GPD1L: variants seen among roughly 807,000 people sequenced by gnomAD.
GPD1L encodes the protein glycerol-3-phosphate dehydrogenase 1 like.
In GPD1L, 17 loss-of-function variants were observed where a neutral mutation model predicts 32.9. That is an observed-to-expected ratio of 0.52 (90% CI 0.35 to 0.78). The LOEUF is 0.78. Among genes scored for constraint, GPD1L ranks in the 30% least tolerant of loss-of-function variants. GPD1L has a pLI of 0.01. For synonymous variants in GPD1L, 187 were observed against 165.9 expected (o/e 1.13, Z -0.98); for missense variants, 361 against 447.8 (o/e 0.81, Z 1.75).
In GPD1L at chr3:32,143,333, C is replaced by G. The variant is rs77057426; in HGVS notation, c.505+2967C>G. 5.9e-3 allele frequency among the ~76,000 whole-genome samples: 895 copies of G among 152,248 alleles called. 11 individuals carry two copies. The highest frequency in any genetic ancestry group is 0.02 in the African/African-American group (822 of 41,532). On this transcript the variant is annotated intron_variant, in intron 4 of 7. Transcript: ENST00000282541. Reference sequence around the variant, plus strand: ...TTCGAATTCCTGGCCTCATGGGATCCTCCTGCCTCAGCCTGCTGATGTACC... The same window carrying G: ...TTCGAATTCCTGGCCTCATGGGATCGTCCTGCCTCAGCCTGCTGATGTACC...
chr3:32,152,516 G>C (rs1473142790), intron 5 of GPD1L, among the ~76,000 whole-genome samples: 2 of 152,148 alleles, frequency 1.3e-5, no homozygotes, highest in African/African-American at 4.8e-5. Flanking sequence ...GAATGCTGCC[G>C]GAGGGGAGGA....
intron 4 of GPD1L, among the ~76,000 whole-genome samples, chr3:32,145,235 C>T (rs1700803094): frequency 6.6e-6 from 1 of 152,006 alleles, no homozygotes; most frequent in African/African-American, 2.4e-5. Flanking sequence ...GGGAGAATCG[C>T]TTGAGCTTGG....
chr3:32,155,495 T>C (rs1700975507), intron 5 of GPD1L, among the ~76,000 whole-genome samples: 1 of 152,012 alleles, frequency 6.6e-6, no homozygotes, highest in Non-Finnish European at 1.5e-5. Context: ...TATAACAGTT[T>C]CAGAATGGTT....
At chr3:32,142,110 A>G (rs988337752) in intron 4 of GPD1L, among the ~76,000 whole-genome samples, 1 of 141,004 alleles carries the variant, frequency 7.1e-6, no homozygotes, top group African/African-American at 2.9e-5. Flanking sequence ...CCATGCTGCA[A>G]AGGACATGAT....
intron 4 of GPD1L, among the ~76,000 whole-genome samples, chr3:32,141,241 A>G (rs113117680): frequency 6.6e-6 from 1 of 152,314 alleles, no homozygotes; most frequent in Non-Finnish European, 1.5e-5. Flanking sequence ...ACCTGCCTAT[A>G]CGTAGGACTT....
At chr3:32,138,863 C>A in intron 3 of GPD1L, 136 bp downstream of exon 3, 1 of 872,216 alleles carries the variant, frequency 1.1e-6, no homozygotes, top group Non-Finnish European at 1.9e-6. Context: ...TAAAGATGCT[C>A]AAAAGTCATA....
chr3:32,158,794 C>T, intron 5 of GPD1L, 82 bp from the exon 6 acceptor site: 1 of 1,560,388 alleles, frequency 6.4e-7, no homozygotes, highest in Non-Finnish European at 8.7e-7. Flanking sequence ...CTGCCCCTGC[C>T]TCGGCATCCC....
At chr3:32,160,936 C>G (rs1004079594) in intron 7 of GPD1L, among the ~76,000 whole-genome samples, 1 of 152,160 alleles carries the variant, frequency 6.6e-6, no homozygotes, top group Non-Finnish European at 1.5e-5. Flanking sequence ...TTAACTCTCC[C>G]GTAATACTCT....
intron 1 of GPD1L, among the ~76,000 whole-genome samples, chr3:32,118,558 C>T (rs1394841020): frequency 6.6e-6 from 1 of 152,054 alleles, no homozygotes; most frequent in Non-Finnish European, 1.5e-5. Context: ...TTCTTGCCAT[C>T]CTTTTTAAGT....
At chr3:32,155,335 T>C (rs931589227) in intron 5 of GPD1L, among the ~76,000 whole-genome samples, 1 of 152,086 alleles carries the variant, frequency 6.6e-6, no homozygotes, top group Non-Finnish European at 1.5e-5. Context: ...ATGGGAATGA[T>C]GATGAGGCAG....
intron 2 of GPD1L, among the ~76,000 whole-genome samples, chr3:32,136,546 ACCT>A (rs1700662401): frequency 1.3e-5 from 2 of 152,080 alleles, no homozygotes; most frequent in South Asian, 2.1e-4. Context: ...AGTCCTCCAC[ACCT>A]CCTGAAGGGA....
intron 1 of GPD1L, among the ~76,000 whole-genome samples, chr3:32,127,641 G>A (rs1411692284): frequency 2.0e-5 from 3 of 152,196 alleles, no homozygotes; most frequent in Non-Finnish European, 4.4e-5. Flanking sequence ...TCCTCTTCTG[G>A]AATCCAGTCA....
At chr3:32,162,570 A>G (rs1701087486) in intron 7 of GPD1L, among the ~76,000 whole-genome samples, 1 of 122,440 alleles carries the variant, frequency 8.2e-6, no homozygotes, top group Non-Finnish European at 1.6e-5. Context: ...TATTTTTAGT[A>G]GAGACGGGGT....
At chr3:32,111,781 G>T (rs1361499075) in intron 1 of GPD1L, among the ~76,000 whole-genome samples, 1 of 150,532 alleles carries the variant, frequency 6.6e-6, no homozygotes, top group Non-Finnish European at 1.5e-5. Flanking sequence ...GGCCCACTTT[G>T]CTCTGATGAC....
At chr3:32,137,366 T>C (rs1204586097) in intron 2 of GPD1L, among the ~76,000 whole-genome samples, 2 of 152,136 alleles carry the variant, frequency 1.3e-5, no homozygotes, top group Admixed American at 6.5e-5. Flanking sequence ...ACTTGTTTGA[T>C]TCCACTGTTC....
intron 5 of GPD1L, among the ~76,000 whole-genome samples, chr3:32,153,123 T>C (rs1700943029): frequency 6.6e-6 from 1 of 152,182 alleles, no homozygotes; most frequent in Non-Finnish European, 1.5e-5. Flanking sequence ...TGTGGGGCTG[T>C]TCTGCAGTTC....
Position 32,166,173 on chromosome 3 carries a change from C to A in GPD1L, c.*263C>A, listed in dbSNP as rs1466800938. The stretch of plus-strand genomic sequence containing the variant: ...GTTTCTATGAGCCAAAATTTGATGT[C>A]TTTTTTTCAAAATTGCTTATGAAAT... On this transcript the variant is annotated 3_prime_UTR_variant, in exon 8 of 8. Coordinates refer to ENST00000282541, the MANE Select transcript of GPD1L (RefSeq NM_015141.4). The A allele has an allele frequency of 8.0e-6, 4 of 498,456 alleles. No homozygotes were observed. Among genetic ancestry groups the A allele is most frequent in the East Asian group, 3.8e-5 (1 of 26,462 alleles). The allele number at this position is 498,456 out of a possible 1,614,324, so 30.9% of individuals were successfully genotyped here. A position where few individuals can be genotyped will look rare whatever the true frequency, so the allele number is the denominator to read the frequency against.
intron 4 of GPD1L, among the ~76,000 whole-genome samples, chr3:32,144,174 T>C (rs958446458): frequency 1.2e-4 from 19 of 152,224 alleles, no homozygotes; most frequent in African/African-American, 4.6e-4. Context: ...AGACATCCTT[T>C]GTTGATGCAT....
rs1022213759 is a variant in GPD1L at position 32,141,212 on chromosome 3, T to C, written c.505+846T>C. Among the ~76,000 whole-genome samples, 4 of 152,272 alleles carry C rather than the reference T, an allele frequency of 2.6e-5. No homozygotes were observed. The East Asian group carries it at 7.7e-4, about 29-fold the overall frequency. On this transcript the variant is annotated intron_variant, in intron 4 of 7. Coordinates refer to ENST00000282541, the MANE Select transcript of GPD1L (RefSeq NM_015141.4). The stretch of plus-strand genomic sequence containing the variant: ...TGCATGAGATGAATGCGCAGGAAAA[T>C]GTAGCTCCAGATTCTTATACCTGCC...
Sources: gnomAD v4.1 joint callset for allele counts (sites outside exome capture counted in the v4.1 genomes callset) on GRCh38, gnomAD v4.1.1 for gene constraint, MANE v1.5 for transcripts, NCBI Gene and HGNC (gene_info 2026-07-23, HGNC 2026-07-21) for gene names.